HDAC4: variants seen among roughly 807,000 people sequenced by gnomAD.
The protein encoded by HDAC4 is histone deacetylase A.
In HDAC4, 16 loss-of-function variants were observed where a neutral mutation model predicts 135.1. That is an observed-to-expected ratio of 0.12 (90% CI 0.08 to 0.18). HDAC4 has a LOEUF of 0.18. HDAC4 is among the 10% of genes least tolerant of loss of function. HDAC4 has a pLI of 1.00. For synonymous variants in HDAC4, 685 were observed against 653.4 expected, an observed-to-expected ratio of 1.05 and a Z score of -0.74; for missense variants, 1,143 against 1,511.8, an observed-to-expected ratio of 0.76 and a Z score of 4.05.
chr2:239,125,975 G>A (rs2152849148), intron 12 of HDAC4, among the ~76,000 whole-genome samples: 1 of 152,392 alleles, frequency 6.6e-6, no homozygotes, highest in East Asian at 1.9e-4. Flanking sequence ...ATGCACTCAG[G>A]CAGGCTGCAA....
intron 22 of HDAC4, among the ~76,000 whole-genome samples, chr2:239,070,235 A>G (rs371850590): frequency 2.0e-5 from 3 of 152,218 alleles, no homozygotes; most frequent in Non-Finnish European, 2.9e-5. Flanking sequence ...ACACCAACAC[A>G]CACAGGTGTA....
intron 1 of HDAC4, among the ~76,000 whole-genome samples, chr2:239,394,617 TG>T (rs1298937276): frequency 6.6e-6 from 1 of 152,172 alleles, no homozygotes; most frequent in Non-Finnish European, 1.5e-5. Context: ...CTTAGGAGCA[TG>T]TAATCTCCAA....
At chr2:239,144,802 TG>T (rs1208168236) in intron 7 of HDAC4, 88 bp from the exon 8 acceptor site, 1 of 1,369,918 alleles carries the variant, frequency 7.3e-7, no homozygotes, top group African/African-American at 1.4e-5. Flanking sequence ...ATACGCACTC[TG>T]GTGAGTAAAT....
chr2:239,130,728 C>T (rs759808216), intron 11 of HDAC4, among the ~76,000 whole-genome samples: 2 of 152,222 alleles, frequency 1.3e-5, no homozygotes, highest in African/African-American at 2.4e-5. Context: ...GGCCCACCTG[C>T]GGCACAGCCC....
chr2:239,335,484 T>C (rs1367309699), intron 2 of HDAC4, among the ~76,000 whole-genome samples: 5 of 130,560 alleles, frequency 3.8e-5, no homozygotes, highest in East Asian at 4.5e-4. Flanking sequence ...AATTGGACTA[T>C]TAAAATTAAG....
At chr2:239,393,966 AC>A (rs1402822059) in intron 1 of HDAC4, among the ~76,000 whole-genome samples, 2 of 135,866 alleles carry the variant, frequency 1.5e-5, no homozygotes, top group Non-Finnish European at 3.2e-5. Context: ...CCCAAGGACC[AC>A]CCCCCCTCCA....
chr2:239,211,947 G>T (rs2046372590), intron 3 of HDAC4, among the ~76,000 whole-genome samples: 3 of 152,224 alleles, frequency 2.0e-5, no homozygotes, highest in African/African-American at 7.2e-5. Context: ...TTAGACTTCA[G>T]CGTGAAGGTA....
chr2:239,066,217 C>T (rs1358849463), intron 24 of HDAC4, among the ~76,000 whole-genome samples: 3 of 152,214 alleles, frequency 2.0e-5, no homozygotes, highest in African/African-American at 4.8e-5. Flanking sequence ...TGACTCCCTC[C>T]GGCGGTGTTG....
intron 2 of HDAC4, among the ~76,000 whole-genome samples, chr2:239,287,123 G>A (rs906626713): frequency 2.0e-5 from 3 of 152,124 alleles, no homozygotes; most frequent in Non-Finnish European, 4.4e-5. Context: ...TGGGGCATGC[G>A]TCACACTTCG....
intron 1 of HDAC4, among the ~76,000 whole-genome samples, chr2:239,364,147 C>G (rs1694023980): frequency 6.6e-6 from 1 of 152,214 alleles, no homozygotes; most frequent in African/African-American, 2.4e-5. Flanking sequence ...TGGGAAACCC[C>G]TCGGTGGCAG....
At chr2:239,089,821 T>C (rs2036333118) in intron 18 of HDAC4, 188 bp downstream of exon 18, 2 of 614,574 alleles carry the variant, frequency 3.3e-6, no homozygotes, top group Non-Finnish European at 6.0e-6. Flanking sequence ...GCACATACCC[T>C]ATCACAAATG....
intron 2 of HDAC4, among the ~76,000 whole-genome samples, chr2:239,291,386 C>T (rs922540883): frequency 2.0e-5 from 3 of 152,200 alleles, no homozygotes; most frequent in African/African-American, 7.2e-5. Context: ...ATGGCCTGGG[C>T]TGAGAGCCTG....
intron 2 of HDAC4, among the ~76,000 whole-genome samples, chr2:239,273,811 A>G (rs1162671704): frequency 1.3e-5 from 2 of 152,242 alleles, no homozygotes; most frequent in Non-Finnish European, 2.9e-5. Context: ...GGCTGTGTCC[A>G]TCACAAGTGA....
At chr2:239,203,296 T>C (rs2045868220) in intron 3 of HDAC4, among the ~76,000 whole-genome samples, 1 of 152,196 alleles carries the variant, frequency 6.6e-6, no homozygotes, top group South Asian at 2.1e-4. Context: ...ATCCTCCCTG[T>C]CCCTTTTTAA....
At chr2:239,396,072 G>T (rs1203544554) in intron 1 of HDAC4, among the ~76,000 whole-genome samples, 1 of 151,888 alleles carries the variant, frequency 6.6e-6, no homozygotes, top group Non-Finnish European at 1.5e-5. Flanking sequence ...GACTTTCCAG[G>T]CTCACGTGAT....
chr2:239,196,611 T>C (rs1027295112), intron 3 of HDAC4, among the ~76,000 whole-genome samples: 4 of 151,938 alleles, frequency 2.6e-5, no homozygotes, highest in Non-Finnish European at 4.4e-5. Flanking sequence ...TCTTCTGGGG[T>C]GAAGCCACGG....
intron 5 of HDAC4, among the ~76,000 whole-genome samples, chr2:239,170,664 A>C (rs1458399043): frequency 6.6e-6 from 1 of 152,206 alleles, no homozygotes; most frequent in East Asian, 1.9e-4. Flanking sequence ...AACCTACTGG[A>C]AATGGTCAGA....
chr2:239,333,711 T>C (rs979696390), intron 2 of HDAC4, among the ~76,000 whole-genome samples: 1 of 152,180 alleles, frequency 6.6e-6, no homozygotes, highest in Non-Finnish European at 1.5e-5. Context: ...CCATTTTTTG[T>C]AGATGGAAAA....
In HDAC4 at chr2:239,143,874, C is replaced by T. The variant is rs1200588671; in HGVS notation, c.865+709G>A. ...TGTGCAAACATGTCCGCTGCCTCCC[C>T]TCTATCCAGGCCATGCCCAAGCAGC... On this transcript the variant is annotated intron_variant, in intron 8 of 26. Transcript: ENST00000543185. Among the ~76,000 whole-genome samples the T allele has an allele frequency of 3.3e-5, 5 of 152,260 alleles. No individual in the cohort carries two copies. In the East Asian group the frequency reaches 9.6e-4, roughly 29 times the overall value.
Sources: allele counts gnomAD v4.1 joint callset (sites outside exome capture counted in the v4.1 genomes callset), GRCh38; gene constraint gnomAD v4.1.1; transcripts MANE v1.5; gene names NCBI Gene and HGNC (gene_info 2026-07-23, HGNC 2026-07-21).